Variants in HSPA12A observed in about 807,000 individuals in gnomAD.
The protein encoded by HSPA12A is heat shock protein family A (Hsp70) member 12A.
Under a neutral mutation model 69.2 loss-of-function variants are expected in HSPA12A, and 28 were observed. The ratio of observed to expected loss-of-function variants is 0.40; its 90% CI spans 0.30 to 0.55. The LOEUF (loss-of-function observed/expected upper bound fraction) is 0.55. Ranked by LOEUF, HSPA12A falls within the 20% of genes least tolerant of loss-of-function variation. HSPA12A has a pLI of 0.38. For missense variants in HSPA12A, 686 were observed against 900.7 expected, an observed-to-expected ratio of 0.76 and a Z score of 3.05; for synonymous variants, 345 against 370.5, an observed-to-expected ratio of 0.93 and a Z score of 0.79.
rs535504175 is a variant in HSPA12A at position 116,692,537 on chromosome 10, C to G, written c.547-70G>C. ...TTCCTGGAGCAGCCTCCTGTGGCTTCACTGAACCCAGGCTTCCTGCCATGA... is the reference window on the plus strand; with the variant it reads ...TTCCTGGAGCAGCCTCCTGTGGCTTGACTGAACCCAGGCTTCCTGCCATGA... On this transcript the variant is annotated intron_variant, in intron 5 of 11. Coordinates refer to ENST00000369209, the MANE Select transcript of HSPA12A (RefSeq NM_025015.3). 37 of 1,169,510 alleles carry G rather than the reference C, an allele frequency of 3.2e-5. 2 individuals carry two copies. In the South Asian group the frequency reaches 4.9e-4, roughly 15 times the overall value. 72.4% of individuals were successfully genotyped at this position (1,169,510 alleles called of 1,614,324 possible). A position where few individuals can be genotyped will look rare whatever the true frequency, so the allele number is the denominator to read the frequency against.
intron 1 of HSPA12A, among the ~76,000 whole-genome samples, chr10:116,721,060 A>C (rs1047244726): frequency 1.3e-5 from 2 of 152,214 alleles, no homozygotes. Flanking sequence ...TGAAGTCTAA[A>C]ATCCCTAATT....
intron 1 of HSPA12A, among the ~76,000 whole-genome samples, chr10:116,715,502 C>A (rs1850578058): frequency 6.6e-6 from 1 of 152,104 alleles, no homozygotes; most frequent in Admixed American, 6.5e-5. Context: ...AATGTACAGA[C>A]AAAACAATAG....
chr10:116,804,623 T>A (rs577356874), intron 2 of HSPA12A, among the ~76,000 whole-genome samples: 41 of 152,304 alleles, frequency 2.7e-4, no homozygotes, highest in Admixed American at 9.8e-4. Flanking sequence ...TGCGTGTTCC[T>A]ACGCAACAAA....
chr10:116,818,367 G>C (rs1443648778), intron 2 of HSPA12A, among the ~76,000 whole-genome samples: 1 of 152,078 alleles, frequency 6.6e-6, no homozygotes, highest in African/African-American at 2.4e-5. Context: ...GTCACCCACT[G>C]GTTCTCTTCC....
At position 116,681,253 on chromosome 10, in the gene HSPA12A, TC is replaced by T; in HGVS notation, c.925del (p.Asp309IlefsTer13). ...GCCACTGTCCACAACCACATACTTATCACCTGGCACAAAAACAGCCATCTTT... is the reference window on the plus strand; with the variant it reads ...GCCACTGTCCACAACCACATACTTATACCTGGCACAAAAACAGCCATCTTT... ...GEIWSELEEGDKYVVVDSGGG... is the reference protein window; with the variant it reads ...GEIWSELEEGXKYVVVDSGGG... On this transcript the variant is annotated frameshift_variant and splice_region_variant, in exon 9 of 12. Transcript: ENST00000369209. LOFTEE classifies it high-confidence loss of function. 1 of 1,613,590 alleles carries T rather than the reference TC, an allele frequency of 6.2e-7. No individual in the cohort carries two copies. Among genetic ancestry groups the T allele is most frequent in the Non-Finnish European group, 8.5e-7 (1 of 1,179,592 alleles).
intron 1 of HSPA12A, among the ~76,000 whole-genome samples, chr10:116,739,946 C>A (rs187676825): frequency 6.6e-6 from 1 of 152,236 alleles, no homozygotes; most frequent in Non-Finnish European, 1.5e-5. Context: ...CACCACCCCC[C>A]AACACCACCT....
chr10:116,776,889 C>T (rs1448200138), intron 2 of HSPA12A, among the ~76,000 whole-genome samples: 2 of 152,156 alleles, frequency 1.3e-5, no homozygotes, highest in Non-Finnish European at 2.9e-5. Flanking sequence ...ATATAAGATG[C>T]TTAATGTCTG....
chr10:116,713,884 G>A (rs1850522578), intron 1 of HSPA12A, among the ~76,000 whole-genome samples: 1 of 152,142 alleles, frequency 6.6e-6, no homozygotes, highest in African/African-American at 2.4e-5. Context: ...GTACTAAGAT[G>A]TTTCTGTCCT....
chr10:116,779,663 T>C (rs80335226), intron 2 of HSPA12A, among the ~76,000 whole-genome samples: 2,174 of 152,192 alleles, frequency 0.014, 48 homozygotes, highest in East Asian at 0.12. Context: ...GGTCATTTGC[T>C]CCCAAGCTTT....
intron 1 of HSPA12A, among the ~76,000 whole-genome samples, chr10:116,737,480 G>A (rs373923849): frequency 9.9e-5 from 15 of 152,154 alleles, no homozygotes; most frequent in African/African-American, 3.6e-4. Context: ...TCCCTCATCC[G>A]TCTTGAGGCC....
intron 1 of HSPA12A, among the ~76,000 whole-genome samples, chr10:116,844,241 A>G (rs916943387): frequency 7.2e-5 from 11 of 152,218 alleles, no homozygotes; most frequent in African/African-American, 2.7e-4. Context: ...TGCAGATTCA[A>G]TGAAATGATG....
At chr10:116,778,849 C>T (rs765480440) in intron 2 of HSPA12A, among the ~76,000 whole-genome samples, 6 of 152,146 alleles carry the variant, frequency 3.9e-5, no homozygotes, top group Non-Finnish European at 8.8e-5. Flanking sequence ...GCAGGAGGAT[C>T]GCTAGAGCCC....
intron 1 of HSPA12A, among the ~76,000 whole-genome samples, chr10:116,727,773 T>A (rs1341978525): frequency 8.4e-6 from 1 of 118,944 alleles, no homozygotes; most frequent in Non-Finnish European, 1.9e-5. Context: ...TTTTTTGGTT[T>A]TTTGGAAAGA....
At chr10:116,741,540 C>T (rs1851507236) in intron 1 of HSPA12A, among the ~76,000 whole-genome samples, 1 of 152,250 alleles carries the variant, frequency 6.6e-6, no homozygotes. Context: ...ATGCGCCCAA[C>T]TTTCCCCACT....
intron 2 of HSPA12A, among the ~76,000 whole-genome samples, chr10:116,783,531 G>A (rs1554892034): frequency 4.6e-5 from 7 of 152,172 alleles, no homozygotes. Context: ...TGCAGCAGCT[G>A]CAACAGTCCT....
intron 1 of HSPA12A, among the ~76,000 whole-genome samples, chr10:116,838,102 G>A (rs770132749): frequency 2.0e-5 from 3 of 152,092 alleles, no homozygotes; most frequent in East Asian, 1.9e-4. Flanking sequence ...GATAGTAAGC[G>A]GTAAATTACT....
chr10:116,796,123 G>C (rs1361663179), intron 2 of HSPA12A, among the ~76,000 whole-genome samples: 1 of 141,510 alleles, frequency 7.1e-6, no homozygotes, highest in Non-Finnish European at 1.5e-5. Flanking sequence ...ACTCCAGCCT[G>C]GGTGACTGAG....
Position 116,783,514 on chromosome 10 carries a change from C to T in HSPA12A, c.91+51421G>A, listed in dbSNP as rs577839481. 2.0e-5 allele frequency among the ~76,000 whole-genome samples: 3 copies of T among 152,284 alleles called. No homozygotes were observed. In the East Asian group the frequency reaches 5.8e-4, roughly 29 times the overall value. ...CTGCACACGGACAAAGAGCTACAGC[C>T]GTCAACTGCAGCAGCTGCAACAGTC... On this transcript the variant is annotated intron_variant, in intron 2 of 12. Transcript: ENST00000635765.
At position 116,675,878 on chromosome 10, in the gene HSPA12A, G is replaced by C. The variant is rs1220783668; in HGVS notation, c.1391-460C>G. ...CTGGTGAGTTTGCTATGTGTCCCTG[G>C]GTACTGCCACCAATGTAGCAGGAAA... is the stretch of plus-strand genomic sequence containing the variant. On this transcript the variant is annotated intron_variant, in intron 11 of 11. Coordinates refer to ENST00000369209, the MANE Select transcript of HSPA12A (RefSeq NM_025015.3). This position sits in a 1 kb window ranked among gnomAD's most constrained non-coding sequence, Gnocchi z 5.2. Among the ~76,000 whole-genome samples the C allele has an allele frequency of 1.3e-5, 2 of 152,142 alleles. No homozygotes were observed. The highest frequency in any genetic ancestry group is 2.9e-5 in the Non-Finnish European group (2 of 68,024).
Sources: allele counts gnomAD v4.1 joint callset (sites outside exome capture counted in the v4.1 genomes callset), GRCh38; gene constraint gnomAD v4.1.1; non-coding constraint Gnocchi (gnomAD v3.1); transcripts MANE v1.5; gene names NCBI Gene and HGNC (gene_info 2026-07-23, HGNC 2026-07-21).